The following CDH4 variants were observed in gnomAD, a reference collection of about 807,000 sequenced individuals.
CDH4 encodes cadherin-4.
A neutral mutation model predicts 86.0 loss-of-function variants in CDH4; 33 were observed. The observed-to-expected ratio is 0.38, with a 90% CI of 0.29 to 0.51. CDH4 has a LOEUF of 0.51. Among genes scored for constraint, CDH4 ranks in the 20% least tolerant of loss-of-function variants. The pLI is 0.86. For missense variants in CDH4, 1,114 were observed against 1,307.4 expected (o/e 0.85, Z 2.28); for synonymous variants, 555 against 549.4 (o/e 1.01, Z -0.14).
intron 8 of CDH4, among the ~76,000 whole-genome samples, chr20:61,901,299 T>C (rs2054724061): frequency 6.6e-6 from 1 of 152,192 alleles, no homozygotes; most frequent in South Asian, 2.1e-4. Context: ...GATCCGACAA[T>C]TCTGATTTGT....
intron 2 of CDH4, among the ~76,000 whole-genome samples, chr20:61,418,852 C>T (rs1407923358): frequency 6.6e-6 from 1 of 152,168 alleles, no homozygotes; most frequent in Non-Finnish European, 1.5e-5. Flanking sequence ...CACACCCCCG[C>T]ATCCCTCTCC....
intron 2 of CDH4, among the ~76,000 whole-genome samples, chr20:61,739,614 CAG>C (rs1413730927): frequency 1.3e-5 from 2 of 152,244 alleles, no homozygotes; most frequent in Non-Finnish European, 2.9e-5. Context: ...GTCCAGTCTG[CAG>C]AGTCCAGAGT....
At chr20:61,906,248 C>T (rs183366581) in intron 8 of CDH4, among the ~76,000 whole-genome samples, 8 of 152,322 alleles carry the variant, frequency 5.3e-5, no homozygotes, top group African/African-American at 1.7e-4. Context: ...TCTGTTACTG[C>T]GACTCAATGC....
At chr20:61,698,737 C>T (rs931050564) in intron 2 of CDH4, among the ~76,000 whole-genome samples, 4 of 151,914 alleles carry the variant, frequency 2.6e-5, no homozygotes, top group African/African-American at 9.7e-5. Context: ...ACCCAGTAGA[C>T]CCCCCCGCAG....
At chr20:61,876,621 G>A (rs1437810373) in intron 7 of CDH4, among the ~76,000 whole-genome samples, 2 of 152,126 alleles carry the variant, frequency 1.3e-5, no homozygotes, top group African/African-American at 4.8e-5. Context: ...CCTTAGGGCC[G>A]GGGTTTTCGT....
At chr20:61,259,988 G>A (rs2084120118) in intron 2 of CDH4, among the ~76,000 whole-genome samples, 1 of 152,148 alleles carries the variant, frequency 6.6e-6, no homozygotes, top group Admixed American at 6.6e-5. Flanking sequence ...ACACAAATTG[G>A]GTCCCAGAAG....
chr20:61,913,871 A>T (rs1007403556), intron 9 of CDH4, among the ~76,000 whole-genome samples: 3 of 152,130 alleles, frequency 2.0e-5, no homozygotes, highest in Non-Finnish European at 2.9e-5. Context: ...TTGCCATGTG[A>T]CAGCTTGGCA....
chr20:61,584,488 T>G (rs796110130), intron 2 of CDH4, among the ~76,000 whole-genome samples: 1 of 152,110 alleles, frequency 6.6e-6, no homozygotes, highest in Admixed American at 6.5e-5. Context: ...CTGTGGCTGC[T>G]TTCTCCCACT....
intron 2 of CDH4, among the ~76,000 whole-genome samples, chr20:61,538,111 A>G (rs2086011541): frequency 6.6e-6 from 1 of 152,124 alleles, no homozygotes; most frequent in Non-Finnish European, 1.5e-5. Context: ...GAGCTGTCCG[A>G]GAGGCCAAGT....
chr20:61,454,788 G>T (rs984105362), intron 2 of CDH4, among the ~76,000 whole-genome samples: 1 of 152,140 alleles, frequency 6.6e-6, no homozygotes, highest in Non-Finnish European at 1.5e-5. Flanking sequence ...ATGGTAGCCT[G>T]CAGGTCAGAG....
intron 9 of CDH4, among the ~76,000 whole-genome samples, chr20:61,920,141 GGTT>G (rs2054958391): frequency 4.6e-5 from 3 of 64,602 alleles, no homozygotes; most frequent in Admixed American, 1.7e-4. Flanking sequence ...GTGGAAGCGT[GGTT>G]TTGTGATTGC....
At chr20:61,857,273 G>C (rs538159775) in intron 6 of CDH4, among the ~76,000 whole-genome samples, 1 of 152,224 alleles carries the variant, frequency 6.6e-6, no homozygotes, top group African/African-American at 2.4e-5. Flanking sequence ...TCCAGGAAGT[G>C]GGCGTTCCCA....
At chr20:61,264,630 G>T (rs2084146567) in intron 2 of CDH4, among the ~76,000 whole-genome samples, 1 of 148,730 alleles carries the variant, frequency 6.7e-6, no homozygotes, top group Non-Finnish European at 1.5e-5. Context: ...ATATCTCAGT[G>T]GTTCCTTCAT....
intron 8 of CDH4, among the ~76,000 whole-genome samples, chr20:61,899,617 T>C (rs543473162): frequency 7.2e-5 from 11 of 152,226 alleles, no homozygotes; most frequent in South Asian, 2.1e-4. Flanking sequence ...TTAGTAGTGA[T>C]GGGGTTTCAC....
At chr20:61,605,217 G>A (rs1358109094) in intron 2 of CDH4, among the ~76,000 whole-genome samples, 2 of 152,184 alleles carry the variant, frequency 1.3e-5, no homozygotes, top group Admixed American at 1.3e-4. Context: ...AGGAAATGTG[G>A]CTTTGGATGA....
Position 61,910,511 on chromosome 20 carries a change from G to T in CDH4, c.1278G>T (p.Trp426Cys). 1 of 1,613,998 alleles carries T rather than the reference G, an allele frequency of 6.2e-7. No individual in the cohort carries two copies. The highest frequency in any genetic ancestry group is 8.5e-7 in the Non-Finnish European group (1 of 1,180,026). The change falls in exon 9 of 16, where the codon TGG (tryptophan) becomes TGT (cysteine). Residue 426 changes from tryptophan to cysteine, a missense_variant. This residue lies in a region of CDH4 where 705 missense variants were observed against 914.1 expected (regional missense o/e 0.77). Coordinates refer to ENST00000614565, the MANE Select transcript of CDH4 (RefSeq NM_001794.5). ...GAGATCAGCCCCACTCTCCAAACTGGAATGCCGTTTACCGCATCATCAGTG... is the reference window on the plus strand; with the variant it reads ...GAGATCAGCCCCACTCTCCAAACTGTAATGCCGTTTACCGCATCATCAGTG... ...MDRDQPHSPN[W>C]NAVYRIISGD... is the part of the protein sequence containing the mutation.
chr20:61,424,145 T>G (rs149130994), intron 2 of CDH4, among the ~76,000 whole-genome samples: 8 of 142,938 alleles, frequency 5.6e-5, no homozygotes, highest in Non-Finnish European at 1.1e-4. Context: ...ACAGCACACA[T>G]GTATACACAC....
intron 2 of CDH4, among the ~76,000 whole-genome samples, chr20:61,630,598 TC>T (rs1305114749): frequency 6.6e-5 from 10 of 152,138 alleles, no homozygotes; most frequent in Non-Finnish European, 5.9e-5. Flanking sequence ...GCCTTCCTCC[TC>T]CTCTTGGGGA....
At chr20:61,530,700 T>C (rs1219549530) in intron 2 of CDH4, among the ~76,000 whole-genome samples, 1 of 152,088 alleles carries the variant, frequency 6.6e-6, no homozygotes, top group Non-Finnish European at 1.5e-5. Flanking sequence ...ATGAAGTAGA[T>C]GGATCTGTTA....
Sources: gnomAD v4.1 joint callset for allele counts (sites outside exome capture counted in the v4.1 genomes callset) on GRCh38, gnomAD v4.1.1 for gene constraint, gnomAD v4.1.1 regional missense constraint, MANE v1.5 for transcripts, NCBI Gene and HGNC (gene_info 2026-07-23, HGNC 2026-07-21) for gene names.